Variants in PRKG2 observed in about 807,000 individuals in gnomAD.
PRKG2 encodes the protein protein kinase cGMP-dependent 2, also known as cGMP-dependent protein kinase 2.
Under a neutral mutation model 97.2 loss-of-function variants are expected in PRKG2, and 33 were observed. The ratio of observed to expected loss-of-function variants is 0.34; its 90% CI spans 0.26 to 0.45. The LOEUF is 0.45. Ranked by LOEUF, PRKG2 falls within the 20% of genes least tolerant of loss-of-function variation. The pLI is 1.00. For synonymous variants in PRKG2, 330 were observed against 321.8 expected, an observed-to-expected ratio of 1.03 and a Z score of -0.27; for missense variants, 638 against 900.0, an observed-to-expected ratio of 0.71 and a Z score of 3.73.
At chr4:81,184,289 CAGA>C (rs915027540) in intron 2 of PRKG2, among the ~76,000 whole-genome samples, 12 of 152,290 alleles carry the variant, frequency 7.9e-5, no homozygotes, top group African/African-American at 2.9e-4. Context: ...ATGAAGCTTC[CAGA>C]AGAAGAACAG....
intron 12 of PRKG2, 78 bp from the exon 13 acceptor site, chr4:81,137,560 T>C: frequency 8.9e-7 from 1 of 1,118,258 alleles, no homozygotes; most frequent in African/African-American, 1.5e-5. Flanking sequence ...AGAACTATCA[T>C]CATAACATTA....
At chr4:81,091,055 G>C (rs1741482382) in intron 18 of PRKG2, among the ~76,000 whole-genome samples, 1 of 151,984 alleles carries the variant, frequency 6.6e-6, no homozygotes, top group Non-Finnish European at 1.5e-5. Flanking sequence ...AAAATTCGAA[G>C]GCATTTAAAG....
At chr4:81,154,688 T>C (rs1206628018) in intron 6 of PRKG2, among the ~76,000 whole-genome samples, 1 of 151,972 alleles carries the variant, frequency 6.6e-6, no homozygotes, top group Non-Finnish European at 1.5e-5. Flanking sequence ...GCAGAAAAAC[T>C]AGAAACTCTA....
At chr4:81,154,493 C>G (rs1328215138) in intron 6 of PRKG2, among the ~76,000 whole-genome samples, 1 of 138,690 alleles carries the variant, frequency 7.2e-6, no homozygotes, top group East Asian at 2.1e-4. Context: ...TGGGAGGCAC[C>G]CCCCAGCAGG....
At chr4:81,132,466 C>A (rs1746272753) in intron 14 of PRKG2, among the ~76,000 whole-genome samples, 1 of 152,104 alleles carries the variant, frequency 6.6e-6, no homozygotes, top group South Asian at 2.1e-4. Flanking sequence ...TGTTCACAAC[C>A]TGATAAAAAA....
intron 6 of PRKG2, among the ~76,000 whole-genome samples, chr4:81,159,968 G>A (rs937651212): frequency 8.2e-6 from 1 of 121,334 alleles, no homozygotes; most frequent in Non-Finnish European, 1.7e-5. Flanking sequence ...GTGGGGTGGG[G>A]GGAGGGGGGA....
At chr4:81,159,369 C>T (rs1578443705) in intron 6 of PRKG2, among the ~76,000 whole-genome samples, 1 of 152,158 alleles carries the variant, frequency 6.6e-6, no homozygotes, top group African/African-American at 2.4e-5. Flanking sequence ...TGCTCATCAT[C>T]ACTGGCCATC....
chr4:81,131,934 C>G (rs1205020986), intron 14 of PRKG2, among the ~76,000 whole-genome samples: 1 of 151,988 alleles, frequency 6.6e-6, no homozygotes, highest in Non-Finnish European at 1.5e-5. Flanking sequence ...TTTTGCATTT[C>G]TATGTAAATT....
chr4:81,159,566 C>T (rs1749426163), intron 6 of PRKG2, among the ~76,000 whole-genome samples: 1 of 152,060 alleles, frequency 6.6e-6, no homozygotes, highest in South Asian at 2.1e-4. Context: ...CCTCAGGGAT[C>T]TAGAACTAGA....
At chr4:81,172,013 A>C (rs1410820394) in intron 3 of PRKG2, among the ~76,000 whole-genome samples, 2 of 151,860 alleles carry the variant, frequency 1.3e-5, no homozygotes, top group Non-Finnish European at 2.9e-5. Context: ...AACTTACGCT[A>C]TCTGTCTGAA....
intron 2 of PRKG2, among the ~76,000 whole-genome samples, chr4:81,203,749 C>T (rs751847915): frequency 2.6e-5 from 4 of 152,140 alleles, no homozygotes; most frequent in African/African-American, 9.7e-5. Flanking sequence ...CACCCCTATA[C>T]ATGAATGCAG....
chr4:81,191,730 C>T (rs1021920897), intron 2 of PRKG2, among the ~76,000 whole-genome samples: 1 of 151,958 alleles, frequency 6.6e-6, no homozygotes, highest in African/African-American at 2.4e-5. Flanking sequence ...ATATACACAT[C>T]GAAAAGGGCT....
At position 81,140,431 on chromosome 4, in the gene PRKG2, T is replaced by C. The variant is rs1376480616; in HGVS notation, c.1544+102A>G. On this transcript the variant is annotated intron_variant, in intron 12 of 18. Coordinates refer to ENST00000264399, the MANE Select transcript of PRKG2 (RefSeq NM_006259.3). ...ACCCCATAAATATATATGCCTACTA[T>C]GTACCCACAAAAATTAAAAATAAAA... 4.8e-6 allele frequency: 5 copies of C among 1,051,990 alleles called. No individual in the cohort carries two copies. The South Asian group carries it at 1.2e-4, about 26-fold the overall frequency. The allele number at this position is 1,051,990 out of a possible 1,614,324, so 65.2% of individuals were successfully genotyped here. A position where few individuals can be genotyped will look rare whatever the true frequency, so the allele number is the denominator to read the frequency against.
At position 81,110,338 on chromosome 4, in the gene PRKG2, G is replaced by A. The variant is rs141303377; in HGVS notation, c.1940+110C>T. ...TGAGAAAAAGGTATCATACTTAATCGAAAACATTTTCAAAATGTTACGCTC... is the reference window on the plus strand; with the variant it reads ...TGAGAAAAAGGTATCATACTTAATCAAAAACATTTTCAAAATGTTACGCTC... On this transcript the variant is annotated intron_variant, in intron 15 of 18. Coordinates refer to ENST00000264399, the MANE Select transcript of PRKG2 (RefSeq NM_006259.3). The A allele has an allele frequency of 3.9e-4, 469 of 1,201,220 alleles. 1 individual carries two copies. The highest frequency in any genetic ancestry group is 2.8e-3 in the African/African-American group (180 of 64,602). 74.4% of individuals were successfully genotyped at this position (1,201,220 alleles called of 1,614,324 possible). A position where few individuals can be genotyped will look rare whatever the true frequency, so the allele number is the denominator to read the frequency against.
At chr4:81,154,755 CA>C (rs1269330184) in intron 6 of PRKG2, among the ~76,000 whole-genome samples, 1 of 152,202 alleles carries the variant, frequency 6.6e-6, no homozygotes, top group East Asian at 1.9e-4. Context: ...AGCAACAGAA[CA>C]AAGCTGGACG....
At chr4:81,211,360 A>C (rs1753963639) in intron 1 of PRKG2, among the ~76,000 whole-genome samples, 1 of 152,228 alleles carries the variant, frequency 6.6e-6, no homozygotes, top group Non-Finnish European at 1.5e-5. Context: ...AAAGTCTATT[A>C]GTTTAAGAAA....
In PRKG2 at chr4:81,171,743, T is replaced by C. The variant is rs1238233806; in HGVS notation, c.690A>G (p.Thr230=). ...TGTATAAAATGGCAAGCTCCCCAAA[T>C]GTGGTCCACATAGGGATGGAGGACA... is the stretch of plus-strand genomic sequence containing the variant. ...KLLSSIPMWT[T]FGELAILYNC... Residue 230 remains threonine, a synonymous_variant, in exon 4 of 19, where the codon ACA becomes ACG. Coordinates refer to ENST00000264399, the MANE Select transcript of PRKG2 (RefSeq NM_006259.3). 1 of 1,611,774 alleles carries C rather than the reference T, an allele frequency of 6.2e-7. No individual in the cohort carries two copies. Among genetic ancestry groups the C allele is most frequent in the East Asian group, 2.2e-5 (1 of 44,782 alleles).
chr4:81,142,272 A>ATCT (rs1258181599), intron 11 of PRKG2, among the ~76,000 whole-genome samples: 3 of 152,198 alleles, frequency 2.0e-5, no homozygotes, highest in Admixed American at 6.5e-5. Context: ...CCTTTCATTC[A>ATCT]TCTTCTTTTC....
At position 81,152,047 on chromosome 4, in the gene PRKG2, A is replaced by T; in HGVS notation, c.998T>A (p.Val333Glu). ...ATCATGGCCTTCTGTGCTCTGTGTT[A>T]CTTTTACCTAAACAATGTTAAGCAA... ...FFILAKGKVK[V>E]TQSTEGHDQP... Residue 333 changes from valine (V) to glutamate (E), a missense_variant, in exon 8 of 19, where the codon GTA becomes GAA. Physicochemically the swap from Val to Glu is moderately radical, Grantham distance 121. This residue lies in a region of PRKG2 where 332 missense variants were observed against 421.7 expected (regional missense o/e 0.79). Coordinates refer to ENST00000264399, the MANE Select transcript of PRKG2 (RefSeq NM_006259.3). 6.2e-7 allele frequency: 1 copy of T among 1,608,182 alleles called. No homozygotes were observed. Among genetic ancestry groups the T allele is most frequent in the South Asian group, 1.1e-5 (1 of 90,362 alleles).
Sources: allele counts gnomAD v4.1 joint callset (sites outside exome capture counted in the v4.1 genomes callset), GRCh38; gene constraint gnomAD v4.1.1; regional missense constraint gnomAD v4.1.1; transcripts MANE v1.5; gene names NCBI Gene and HGNC (gene_info 2026-07-23, HGNC 2026-07-21).